The following CTNNA3 variants were observed in gnomAD, a reference collection of about 807,000 sequenced individuals.
CTNNA3 encodes catenin alpha 3.
A neutral mutation model predicts 95.7 loss-of-function variants in CTNNA3; 76 were observed. The ratio of observed to expected loss-of-function variants is 0.79; its 90% CI spans 0.66 to 0.96. CTNNA3 has a LOEUF of 0.96. CTNNA3 is among the 40% of genes least tolerant of loss of function. CTNNA3 has a pLI of 0.00. For missense variants in CTNNA3, 1,191 were observed against 1,089.8 expected, an observed-to-expected ratio of 1.09 and a Z score of -1.31; for synonymous variants, 431 against 374.4, an observed-to-expected ratio of 1.15 and a Z score of -1.74.
chr10:66,807,524 C>A (rs1385267715), intron 7 of CTNNA3, among the ~76,000 whole-genome samples: 1 of 152,058 alleles, frequency 6.6e-6, no homozygotes, highest in Non-Finnish European at 1.5e-5. Context: ...AATAAAATAT[C>A]CTTGTTAAAT....
intron 5 of CTNNA3, among the ~76,000 whole-genome samples, chr10:67,344,464 A>C (rs549573227): frequency 1.3e-4 from 20 of 152,198 alleles, no homozygotes; most frequent in Admixed American, 1.3e-3. Context: ...TTCAGCAGTA[A>C]AGCCACTGGG....
In CTNNA3 at chr10:66,296,309, T is replaced by C. The variant is rs11814191; in HGVS notation, c.1733-15688A>G. Among the ~76,000 whole-genome samples the C allele has an allele frequency of 4.4e-3, 671 of 152,228 alleles. 1 individual carries two copies. The highest frequency in any genetic ancestry group is 0.015 in the African/African-American group (638 of 41,546). ...AAACTATATGATTTCTATTGTACTT[T>C]CTCAGCTGTTACTCAAATTGATTAT... is the stretch of plus-strand genomic sequence containing the variant. On this transcript the variant is annotated intron_variant, in intron 12 of 17. Transcript: ENST00000433211.
chr10:67,365,936 T>C (rs1843197542), intron 5 of CTNNA3, among the ~76,000 whole-genome samples: 1 of 152,216 alleles, frequency 6.6e-6, no homozygotes, highest in Non-Finnish European at 1.5e-5. Context: ...CGTATGTTTA[T>C]TGCGGCACTA....
chr10:66,188,386 C>T (rs769903135), intron 13 of CTNNA3, among the ~76,000 whole-genome samples: 5 of 152,032 alleles, frequency 3.3e-5, no homozygotes, highest in Non-Finnish European at 5.9e-5. Context: ...TCCCCACCCT[C>T]ACCCCTGGTA....
At chr10:67,621,014 G>T (rs1843826754) in intron 2 of CTNNA3, among the ~76,000 whole-genome samples, 1 of 150,496 alleles carries the variant, frequency 6.6e-6, no homozygotes, top group African/African-American at 2.4e-5. Context: ...GCATAGAAGG[G>T]GCACCATTTT....
At chr10:66,119,631 G>A (rs1235378809) in intron 13 of CTNNA3, among the ~76,000 whole-genome samples, 2 of 152,062 alleles carry the variant, frequency 1.3e-5, no homozygotes, top group East Asian at 3.9e-4. Context: ...GAAAAAATAA[G>A]ATAACTTATA....
At chr10:67,065,687 G>A (rs563310898) in intron 7 of CTNNA3, among the ~76,000 whole-genome samples, 3 of 152,116 alleles carry the variant, frequency 2.0e-5, no homozygotes, top group African/African-American at 2.4e-5. Context: ...CATGAGCCAC[G>A]GGAAGAGAAC....
intron 7 of CTNNA3, among the ~76,000 whole-genome samples, chr10:66,982,833 G>A (rs958649915): frequency 2.0e-5 from 3 of 152,126 alleles, no homozygotes; most frequent in Non-Finnish European, 2.9e-5. Flanking sequence ...GAGAACATTA[G>A]GGACCCTAAG....
intron 7 of CTNNA3, among the ~76,000 whole-genome samples, chr10:67,008,064 ATG>A (rs1852111896): frequency 6.6e-6 from 1 of 151,892 alleles, no homozygotes; most frequent in Non-Finnish European, 1.5e-5. Flanking sequence ...AAAAAATGAG[ATG>A]TTTCTTTTTT....
At chr10:66,855,985 T>G in intron 7 of CTNNA3, among the ~76,000 whole-genome samples, 1 of 151,988 alleles carries the variant, frequency 6.6e-6, no homozygotes, top group Admixed American at 6.6e-5. Context: ...GTTATGTGAA[T>G]AAATTGCATG....
chr10:67,488,956 G>A (rs1014854190), intron 5 of CTNNA3, among the ~76,000 whole-genome samples: 3 of 152,048 alleles, frequency 2.0e-5, no homozygotes, highest in African/African-American at 4.8e-5. Flanking sequence ...GGCTGGTCTC[G>A]AACTCCTGAG....
At chr10:66,362,978 T>A (rs2092687299) in intron 12 of CTNNA3, among the ~76,000 whole-genome samples, 1 of 152,168 alleles carries the variant, frequency 6.6e-6, no homozygotes, top group South Asian at 2.1e-4. Context: ...TTAAATAAAT[T>A]CCTTCATTAT....
chr10:65,924,638 C>CA (rs34825174), intron 17 of CTNNA3, among the ~76,000 whole-genome samples: 22,956 of 152,144 alleles, frequency 0.15, 2,151 homozygotes, highest in South Asian at 0.23. Context: ...TCTTGCAGAA[C>CA]AAAATTATCC....
chr10:67,070,592 A>G, intron 7 of CTNNA3, among the ~76,000 whole-genome samples: 1 of 151,970 alleles, frequency 6.6e-6, no homozygotes, highest in East Asian at 1.9e-4. Context: ...AGTAAAATAC[A>G]GAAAATTAGC....
chr10:65,977,508 C>T (rs1250590102), intron 16 of CTNNA3, among the ~76,000 whole-genome samples: 2 of 152,144 alleles, frequency 1.3e-5, no homozygotes, highest in East Asian at 1.9e-4. Context: ...CAGCCAGGTG[C>T]GGTGGCTCAC....
chr10:66,017,001 C>T (rs2079107261), intron 15 of CTNNA3, among the ~76,000 whole-genome samples: 1 of 151,960 alleles, frequency 6.6e-6, no homozygotes, highest in Non-Finnish European at 1.5e-5. Context: ...TTTTCTCTCC[C>T]TTTTTTCAAT....
chr10:67,159,036 C>A (rs1861425437), intron 7 of CTNNA3, among the ~76,000 whole-genome samples: 1 of 152,104 alleles, frequency 6.6e-6, no homozygotes, highest in Non-Finnish European at 1.5e-5. Flanking sequence ...TGAAACCAGG[C>A]CTGGGCCTGC....
At chr10:67,418,318 A>G (rs185975261) in intron 5 of CTNNA3, among the ~76,000 whole-genome samples, 84 of 152,234 alleles carry the variant, frequency 5.5e-4, no homozygotes, top group African/African-American at 1.9e-3. Flanking sequence ...AAAATCGTAA[A>G]AATAGAACTA....
rs892069194 is a variant in CTNNA3, at chr10:66,157,506, G to T, written c.1885-54257C>A. On this transcript the variant is annotated intron_variant, in intron 13 of 17. Coordinates refer to ENST00000433211, the MANE Select transcript of CTNNA3 (RefSeq NM_013266.4). The stretch of plus-strand genomic sequence containing the variant: ...AGATAGATATGTAGATAGATAGATA[G>T]ATAGATAGATAGATAGATAGATAGA... Among the ~76,000 whole-genome samples the T allele has an allele frequency of 8.7e-4, 73 of 84,082 alleles. 1 individual carries two copies. The highest frequency in any genetic ancestry group is 1.9e-3 in the African/African-American group (49 of 25,668). The allele number at this position is 84,082 out of a possible 152,430, so 55.2% of individuals were successfully genotyped here. A position where few individuals can be genotyped will look rare whatever the true frequency, so the allele number is the denominator to read the frequency against.
Sources: gnomAD v4.1 joint callset for allele counts (sites outside exome capture counted in the v4.1 genomes callset) on GRCh38, gnomAD v4.1.1 for gene constraint, MANE v1.5 for transcripts, NCBI Gene and HGNC (gene_info 2026-07-23, HGNC 2026-07-21) for gene names.